The following PTPRN2 variants were observed in gnomAD, a reference collection of about 807,000 sequenced individuals.
PTPRN2 encodes the protein receptor-type tyrosine-protein phosphatase N2.
Under a neutral mutation model 118.8 loss-of-function variants are expected in PTPRN2, and 74 were observed. That is an observed-to-expected ratio of 0.62 (90% CI 0.52 to 0.76). PTPRN2 has a LOEUF of 0.76. Ranked by LOEUF, PTPRN2 falls within the 30% of genes least tolerant of loss-of-function variation. The probability of loss-of-function intolerance (pLI) is 0.00; values close to 1 mark genes in which losing one functional copy is unlikely to be tolerated. For missense variants in PTPRN2, 1,481 were observed against 1,394.4 expected, an observed-to-expected ratio of 1.06 and a Z score of -0.99; for synonymous variants, 641 against 608.0, an observed-to-expected ratio of 1.05 and a Z score of -0.80.
chr7:157,595,373 T>C, intron 16 of PTPRN2, 58 bp from the exon 17 acceptor site: 7 of 1,522,150 alleles, frequency 4.6e-6, no homozygotes, highest in South Asian at 1.1e-5. Flanking sequence ...GCCTGGAGGT[T>C]AGGAAGCCTG....
chr7:157,868,955 G>T lies in PTPRN2; in HGVS notation c.1788+29718C>A, dbSNP rs938502386. 16 of 152,156 alleles carry T rather than the reference G, an allele frequency of 1.1e-4. No homozygotes were observed. Among genetic ancestry groups the T allele is most frequent in the Admixed American group, 3.3e-4 (5 of 15,268 alleles). 9.4% of individuals were successfully genotyped at this position (152,156 alleles called of 1,614,324 possible). ...TCTTTCTGCCACCACAGTCGTTTGG[G>T]GACTCAGTTCCATGTAGAACCAGAT... On this transcript the variant is annotated intron_variant, in intron 12 of 22. Coordinates refer to ENST00000389418, the MANE Select transcript of PTPRN2 (RefSeq NM_002847.5). This position sits in a 1 kb window ranked among gnomAD's most constrained non-coding sequence, Gnocchi z 5.2.
intron 2 of PTPRN2, among the ~76,000 whole-genome samples, chr7:158,472,763 A>C (rs1632730): frequency 8.4e-4 from 128 of 152,202 alleles, no homozygotes; most frequent in African/African-American, 2.9e-3. Context: ...CGGCGCCTCT[A>C]AAATAACAAG....
At chr7:158,346,422 T>G (rs1807518854) in intron 2 of PTPRN2, among the ~76,000 whole-genome samples, 1 of 152,228 alleles carries the variant, frequency 6.6e-6, no homozygotes, top group African/African-American at 2.4e-5. Flanking sequence ...TCACTCAGCG[T>G]AATGCTTTCC....
chr7:157,917,208 C>T (rs949923894), intron 11 of PTPRN2, among the ~76,000 whole-genome samples: 3 of 152,262 alleles, frequency 2.0e-5, no homozygotes, highest in Non-Finnish European at 4.4e-5. Flanking sequence ...GCTTCTGGTT[C>T]CCCTTCTTTG....
chr7:158,387,495 C>T (rs933689986), intron 2 of PTPRN2, among the ~76,000 whole-genome samples: 3 of 152,298 alleles, frequency 2.0e-5, no homozygotes, highest in South Asian at 4.1e-4. Context: ...AAGTGGAGTG[C>T]GATCGGGTTA....
chr7:158,374,727 C>G (rs1223533075), intron 2 of PTPRN2, among the ~76,000 whole-genome samples: 1 of 152,132 alleles, frequency 6.6e-6, no homozygotes, highest in Non-Finnish European at 1.5e-5. Flanking sequence ...AAATCCAGAA[C>G]AGCAAGCTTT....
chr7:158,138,834 T>C (rs78155173), intron 6 of PTPRN2, among the ~76,000 whole-genome samples: 6,329 of 152,218 alleles, frequency 0.042, 447 homozygotes, highest in African/African-American at 0.14. Context: ...GGAAGAGAGA[T>C]GGGCTAGGCA....
intron 6 of PTPRN2, among the ~76,000 whole-genome samples, chr7:158,140,256 C>T (rs1294068894): frequency 6.6e-6 from 1 of 152,216 alleles, no homozygotes; most frequent in Non-Finnish European, 1.5e-5. Flanking sequence ...ACAGTGACAA[C>T]TCCGAGGAGA....
intron 11 of PTPRN2, among the ~76,000 whole-genome samples, chr7:158,033,718 G>T (rs907940825): frequency 6.8e-6 from 1 of 148,100 alleles, no homozygotes; most frequent in Non-Finnish European, 1.5e-5. Context: ...TGTGTGGCTG[G>T]CTGCACACTG....
In PTPRN2 at chr7:158,089,575, G is replaced by A. The variant is rs1223161450; in HGVS notation, c.1644-8198C>T. ...TTCACACAAACCTTCTTCCCCTGAT[G>A]AAAGAGGGAGTCTTCACACAAACCT... On this transcript the variant is annotated intron_variant, in intron 10 of 22. Transcript: ENST00000389418. Among the ~76,000 whole-genome samples the A allele has an allele frequency of 2.3e-3, 281 of 121,104 alleles. 2 individuals carry two copies. Among genetic ancestry groups the A allele is most frequent in the East Asian group, 6.9e-3 (23 of 3,334 alleles). The allele number at this position is 121,104 out of a possible 152,430, so 79.4% of individuals were successfully genotyped here. A position where few individuals can be genotyped will look rare whatever the true frequency, so the allele number is the denominator to read the frequency against.
chr7:158,236,111 T>C lies in PTPRN2; in HGVS notation c.278-30838A>G, dbSNP rs570122925. Among the ~76,000 whole-genome samples the C allele has an allele frequency of 4.1e-3, 631 of 152,286 alleles. 4 individuals carry two copies. Among genetic ancestry groups the C allele is most frequent in the Middle Eastern group, 0.014 (4 of 294 alleles). On this transcript the variant is annotated intron_variant, in intron 3 of 22. Coordinates refer to ENST00000389418, the MANE Select transcript of PTPRN2 (RefSeq NM_002847.5). ...GTTGTTGAAGGGGCTGGGTGAGCTGTGAGTAGATCCCAGGCACCATCACCA... is the reference window on the plus strand; with the variant it reads ...GTTGTTGAAGGGGCTGGGTGAGCTGCGAGTAGATCCCAGGCACCATCACCA...
In PTPRN2 at chr7:158,071,640, ATGCTCGTGGTGATGGAGG is replaced by A. The variant is rs1563392558; in HGVS notation, c.1723+9640_1723+9657del. Among the ~76,000 whole-genome samples, 26 of 19,260 alleles carry A rather than the reference ATGCTCGTGGTGATGGAGG, an allele frequency of 1.3e-3. 1 individual carries two copies. The highest frequency in any genetic ancestry group is 1.8e-3 in the East Asian group (1 of 568). 12.6% of individuals were successfully genotyped at this position (19,260 alleles called of 152,430 possible). A position where few individuals can be genotyped will look rare whatever the true frequency, so the allele number is the denominator to read the frequency against. On this transcript the variant is annotated intron_variant, in intron 11 of 22. Coordinates refer to ENST00000389418, the MANE Select transcript of PTPRN2 (RefSeq NM_002847.5). ...GGTGGAGGTGCTCGTGGTGGTGGAG[ATGCTCGTGGTGATGGAGG>A]TGCTCGTGGTGGTGGAGGTGCTCCT...
intron 22 of PTPRN2, among the ~76,000 whole-genome samples, chr7:157,545,810 G>A (rs545974536): frequency 5.3e-5 from 8 of 152,086 alleles, no homozygotes; most frequent in Non-Finnish European, 7.4e-5. Flanking sequence ...TCGACGGCTC[G>A]CTCTTTCCTT....
intron 1 of PTPRN2, among the ~76,000 whole-genome samples, chr7:158,543,924 A>C (rs1025144445): frequency 6.6e-6 from 1 of 152,238 alleles, no homozygotes; most frequent in Admixed American, 6.5e-5. Flanking sequence ...ACCCTCAAGA[A>C]GCAGCTCCGC....
chr7:158,208,477 T>TAAATA (rs1827334435), intron 3 of PTPRN2, among the ~76,000 whole-genome samples: 1 of 152,222 alleles, frequency 6.6e-6, no homozygotes, highest in Non-Finnish European at 1.5e-5. Context: ...GTGGAAACTT[T>TAAATA]ACAGGCCAGG....
At chr7:158,127,157 C>T (rs1386637372) in intron 9 of PTPRN2, among the ~76,000 whole-genome samples, 1 of 152,216 alleles carries the variant, frequency 6.6e-6, no homozygotes, top group African/African-American at 2.4e-5. Context: ...CCTCAGCCGG[C>T]CTCCCCGCAA....
At chr7:157,681,360 T>C (rs1183168348) in intron 13 of PTPRN2, among the ~76,000 whole-genome samples, 1 of 152,222 alleles carries the variant, frequency 6.6e-6, no homozygotes, top group Non-Finnish European at 1.5e-5. Flanking sequence ...TCTTACTAGT[T>C]TATGTGACAT....
At chr7:157,675,761 G>A (rs13243294) in intron 13 of PTPRN2, among the ~76,000 whole-genome samples, 23,709 of 152,056 alleles carry the variant, frequency 0.16, 2,341 homozygotes, top group Non-Finnish European at 0.22. Flanking sequence ...CGTGGCACCC[G>A]CACCCACAGG....
At chr7:158,322,723 A>T (rs188830322) in intron 2 of PTPRN2, among the ~76,000 whole-genome samples, 1 of 152,376 alleles carries the variant, frequency 6.6e-6, no homozygotes, top group Non-Finnish European at 1.5e-5. Context: ...CAGATTGTGC[A>T]GAGCCTGCGG....
Sources: allele counts gnomAD v4.1 joint callset (sites outside exome capture counted in the v4.1 genomes callset), GRCh38; gene constraint gnomAD v4.1.1; non-coding constraint Gnocchi (gnomAD v3.1); transcripts MANE v1.5; gene names NCBI Gene and HGNC (gene_info 2026-07-23, HGNC 2026-07-21).